The following ASTN1 variants were observed in gnomAD, a reference collection of about 807,000 sequenced individuals.
ASTN1 encodes astrotactin-1.
ASTN1 carries 41 observed loss-of-function variants against 140.7 expected under a neutral mutation model. The observed-to-expected ratio is 0.29, with a 90% confidence interval of 0.23 to 0.38. ASTN1 has a LOEUF of 0.38. Among genes scored for constraint, ASTN1 ranks in the 10% least tolerant of loss-of-function variants. The pLI is 1.00. For missense variants in ASTN1, 1,479 were observed against 1,678.8 expected (o/e 0.88, Z 2.08); for synonymous variants, 640 against 652.2 (o/e 0.98, Z 0.29).
At chr1:176,950,130 G>A (rs923666154) in intron 11 of ASTN1, among the ~76,000 whole-genome samples, 1 of 152,196 alleles carries the variant, frequency 6.6e-6, no homozygotes, top group Non-Finnish European at 1.5e-5. Flanking sequence ...CTTTTCCCAG[G>A]AGAAGACAAA....
In ASTN1 at chr1:177,107,669, C is replaced by G. The variant is rs566711390; in HGVS notation, c.284-46404G>C. Among the ~76,000 whole-genome samples, 215 of 152,322 alleles carry G rather than the reference C, an allele frequency of 1.4e-3. 1 individual carries two copies. Among genetic ancestry groups the G allele is most frequent in the African/African-American group, 4.9e-3 (203 of 41,582 alleles). On this transcript the variant is annotated intron_variant, in intron 1 of 22. Coordinates refer to ENST00000361833, the MANE Select transcript of ASTN1 (RefSeq NM_004319.3). ...CTCTCCCCCAGACAGCCCTCACCAGCTCCGGGTTCTAGTAACTGCCTCCTT... is the reference window on the plus strand; with the variant it reads ...CTCTCCCCCAGACAGCCCTCACCAGGTCCGGGTTCTAGTAACTGCCTCCTT...
rs2101959681 is a variant in ASTN1, at chr1:177,024,663, C to T, written c.1190G>A (p.Gly397Asp). ...GTTGACGTGAGAGGAGCACACGAGGCCAATCACACAGCTGGTGATGCTGAT... is the reference window on the plus strand; with the variant it reads ...GTTGACGTGAGAGGAGCACACGAGGTCAATCACACAGCTGGTGATGCTGAT... The part of the protein sequence containing the change: ...TLISITSCVI[G>D]LVCSSHVNCP... Residue 397 changes from glycine to aspartate, a missense_variant, in exon 6 of 23, where the codon GGC (glycine) becomes GAC (aspartate). Gly to Asp is a moderately conservative substitution (Grantham distance 94). Around this residue, in one of 3 missense-constraint regions of ASTN1, gnomAD observed 729 missense variants for 860.4 expected, o/e 0.85. Transcript: ENST00000361833. The T allele has an allele frequency of 1.2e-6, 2 of 1,614,004 alleles. No individual in the cohort carries two copies. The highest frequency in any genetic ancestry group is 8.5e-7 in the Non-Finnish European group (1 of 1,179,978).
At chr1:177,044,212 C>G (rs1023441366) in intron 2 of ASTN1, among the ~76,000 whole-genome samples, 11 of 151,958 alleles carry the variant, frequency 7.2e-5, no homozygotes, top group African/African-American at 2.2e-4. Flanking sequence ...CATACACACA[C>G]ACCCAACTGC....
intron 2 of ASTN1, among the ~76,000 whole-genome samples, chr1:177,046,160 G>A (rs917170092): frequency 2.0e-5 from 3 of 152,076 alleles, no homozygotes; most frequent in Non-Finnish European, 2.9e-5. Context: ...GCTACAAACC[G>A]GGTAGACCCC....
chr1:177,152,528 G>A (rs1202298743), intron 1 of ASTN1, among the ~76,000 whole-genome samples: 8 of 149,986 alleles, frequency 5.3e-5, no homozygotes, highest in Admixed American at 3.3e-4. Flanking sequence ...AGAACTTTAT[G>A]AGAAAAAAAA....
intron 1 of ASTN1, among the ~76,000 whole-genome samples, chr1:177,139,144 T>C (rs961904606): frequency 1.3e-5 from 2 of 152,152 alleles, no homozygotes; most frequent in Admixed American, 1.3e-4. Context: ...GAGCATAGCA[T>C]TGGGGATCTA....
chr1:176,935,663 C>T (rs1291411649), intron 15 of ASTN1, among the ~76,000 whole-genome samples: 2 of 152,144 alleles, frequency 1.3e-5, no homozygotes, highest in Non-Finnish European at 2.9e-5. Flanking sequence ...CTCTACCTCC[C>T]TATTGCTGAC....
chr1:177,059,726 A>G (rs189647119), intron 2 of ASTN1, among the ~76,000 whole-genome samples: 19 of 152,324 alleles, frequency 1.2e-4, no homozygotes, highest in African/African-American at 4.6e-4. Flanking sequence ...TCTTTGGATA[A>G]TAGGCATTCT....
At chr1:177,116,815 T>C (rs1196741195) in intron 1 of ASTN1, among the ~76,000 whole-genome samples, 1 of 152,134 alleles carries the variant, frequency 6.6e-6, no homozygotes, top group African/African-American at 2.4e-5. Context: ...ATCCTGACTT[T>C]TCTACCATTT....
chr1:176,948,800 ACT>A (rs1672062707), intron 12 of ASTN1, among the ~76,000 whole-genome samples: 1 of 152,100 alleles, frequency 6.6e-6, no homozygotes, highest in South Asian at 2.1e-4. Context: ...AGTTTTGCAC[ACT>A]CTTTCCCGAG....
intron 9 of ASTN1, among the ~76,000 whole-genome samples, chr1:176,964,608 A>G (rs1012881986): frequency 1.3e-5 from 2 of 152,102 alleles, no homozygotes; most frequent in African/African-American, 4.8e-5. Context: ...GAAATTTGGG[A>G]GGGAGTAGAA....
chr1:176,997,828 T>C (rs1461427797), intron 8 of ASTN1, among the ~76,000 whole-genome samples: 2 of 151,434 alleles, frequency 1.3e-5, no homozygotes, highest in Non-Finnish European at 2.9e-5. Flanking sequence ...AATTGGGGAG[T>C]TAGAAAAGGC....
chr1:177,051,666 C>T (rs1329224521), intron 2 of ASTN1, among the ~76,000 whole-genome samples: 2 of 152,130 alleles, frequency 1.3e-5, no homozygotes, highest in East Asian at 1.9e-4. Flanking sequence ...AAGATGACCT[C>T]GGGTCTGTGA....
At chr1:176,939,527 T>C (rs938477170) in intron 14 of ASTN1, among the ~76,000 whole-genome samples, 5 of 152,112 alleles carry the variant, frequency 3.3e-5, no homozygotes, top group Admixed American at 1.3e-4. Context: ...ATAATTCCAT[T>C]AGTTAAAAAG....
intron 8 of ASTN1, among the ~76,000 whole-genome samples, chr1:177,003,560 C>G (rs766670818): frequency 1.9e-4 from 29 of 152,120 alleles, no homozygotes; most frequent in Non-Finnish European, 1.0e-4. Context: ...CCTATAATCC[C>G]AGCACCTTGG....
At chr1:176,933,745 T>A (rs1332879800) in intron 16 of ASTN1, among the ~76,000 whole-genome samples, 3 of 152,190 alleles carry the variant, frequency 2.0e-5, no homozygotes, top group African/African-American at 7.2e-5. Context: ...TGTATGTAGC[T>A]GCTATAAAGG....
At chr1:177,114,699 T>C (rs1414132481) in intron 1 of ASTN1, among the ~76,000 whole-genome samples, 1 of 152,184 alleles carries the variant, frequency 6.6e-6, no homozygotes, top group African/African-American at 2.4e-5. Context: ...TATGCAATTT[T>C]ATCACATGTG....
intron 14 of ASTN1, among the ~76,000 whole-genome samples, chr1:176,941,165 A>G (rs1671696229): frequency 6.6e-6 from 1 of 152,206 alleles, no homozygotes; most frequent in Non-Finnish European, 1.5e-5. Flanking sequence ...TTCCCTATGT[A>G]AGTCTAGGAA....
chr1:176,917,984 T>C (rs1053423465), intron 16 of ASTN1, among the ~76,000 whole-genome samples: 1 of 152,182 alleles, frequency 6.6e-6, no homozygotes, highest in African/African-American at 2.4e-5. Flanking sequence ...TTCTCAGAGC[T>C]TTTGCAGTTA....
Sources: allele counts gnomAD v4.1 joint callset (sites outside exome capture counted in the v4.1 genomes callset), GRCh38; gene constraint gnomAD v4.1.1; regional missense constraint gnomAD v4.1.1; transcripts MANE v1.5; gene names NCBI Gene and HGNC (gene_info 2026-07-23, HGNC 2026-07-21).